FOXP2: variants seen among roughly 807,000 people sequenced by gnomAD.
FOXP2 encodes the protein forkhead box P2, also known as forkhead box protein P2.
Under a neutral mutation model 115.8 loss-of-function variants are expected in FOXP2, and 12 were observed. That is an observed-to-expected ratio of 0.10 (90% CI 0.07 to 0.17). The LOEUF is 0.17. Among genes scored for constraint, FOXP2 ranks in the 10% least tolerant of loss-of-function variants. FOXP2 has a pLI of 1.00. For synonymous variants in FOXP2, 328 were observed against 297.7 expected (o/e 1.10, Z -1.05); for missense variants, 629 against 843.5 (o/e 0.75, Z 3.15).
At chr7:114,490,623 T>C (rs1219773946) in intron 2 of FOXP2, among the ~76,000 whole-genome samples, 2 of 152,166 alleles carry the variant, frequency 1.3e-5, no homozygotes, top group African/African-American at 4.8e-5. Flanking sequence ...TCATTTAACA[T>C]TAGGTAAATC....
intron 2 of FOXP2, among the ~76,000 whole-genome samples, chr7:114,495,729 A>C (rs1584808144): frequency 6.8e-6 from 1 of 148,060 alleles, no homozygotes; most frequent in South Asian, 2.1e-4. Flanking sequence ...CTGATCTTGA[A>C]CTCCTGACCT....
At chr7:114,294,863 AATACATAC>A (rs1334023195) in intron 2 of FOXP2, among the ~76,000 whole-genome samples, 20 of 150,234 alleles carry the variant, frequency 1.3e-4, no homozygotes, top group Non-Finnish European at 2.4e-4. Context: ...TAAATAAATA[AATACATAC>A]ATACATACAT....
rs1808649725 is a variant in FOXP2 at position 114,691,165 on chromosome 7, C to A, written c.*1239C>A. On this transcript the variant is annotated 3_prime_UTR_variant, in exon 17 of 17. Coordinates refer to ENST00000350908, the MANE Select transcript of FOXP2 (RefSeq NM_014491.4). ...AGTACTTTGTGTTTTTGTTTTCCCT[C>A]ATTCAGTCAGTTATTTTCAGTGGTG... The A allele has an allele frequency of 2.2e-6, 1 of 453,866 alleles. No individual in the cohort carries two copies. The highest frequency in any genetic ancestry group is 2.0e-5 in the African/African-American group (1 of 49,984). The allele number at this position is 453,866 out of a possible 1,614,324, so 28.1% of individuals were successfully genotyped here.
intron 3 of FOXP2, 145 bp downstream of exon 3, chr7:114,534,851 A>G: frequency 4.3e-6 from 3 of 702,262 alleles, no homozygotes; most frequent in Non-Finnish European, 7.5e-6. Context: ...AATTCATTTT[A>G]TCTTCTTAAA....
intron 1 of FOXP2, among the ~76,000 whole-genome samples, chr7:114,104,808 A>G (rs906534454): frequency 6.6e-6 from 1 of 152,042 alleles, no homozygotes; most frequent in Admixed American, 6.6e-5. Flanking sequence ...GAAAATAAAT[A>G]CATTTATTCA....
chr7:114,481,966 G>A (rs1045169132), intron 2 of FOXP2, among the ~76,000 whole-genome samples: 7 of 151,046 alleles, frequency 4.6e-5, no homozygotes, highest in African/African-American at 1.5e-4. Flanking sequence ...AAAAAGAGGG[G>A]GGCACTATGG....
chr7:114,631,646 A>C lies in FOXP2; in HGVS notation c.716A>C (p.Gln239Pro). ...QQQHLLSLQRQGLISIPPGQA... is the reference protein window; with the variant it reads ...QQQHLLSLQRPGLISIPPGQA... The stretch of plus-strand genomic sequence containing the variant: ...CAGCATCTGCTCAGCCTTCAGCGTC[A>C]GGGACTCATCTCCATTCCACCTGGC... Residue 239 changes from glutamine (Q) to proline (P), a missense_variant, in exon 6 of 17, where the codon CAG (glutamine) becomes CCG (proline). Coordinates refer to ENST00000350908, the MANE Select transcript of FOXP2 (RefSeq NM_014491.4). The C allele has an allele frequency of 6.2e-7, 1 of 1,614,132 alleles. No individual in the cohort carries two copies. Among genetic ancestry groups the C allele is most frequent in the Non-Finnish European group, 8.5e-7 (1 of 1,180,026 alleles).
rs572803980 is a variant in FOXP2, at chr7:114,606,827, G to T, written c.259-21713G>T. On this transcript the variant is annotated intron_variant, in intron 3 of 16. Coordinates refer to ENST00000350908, the MANE Select transcript of FOXP2 (RefSeq NM_014491.4). ...ATTAGAGGAAGGCTAATATGTGAGT[G>T]CTTACAAAGTTAACTGCTGTGCTAA... Among the ~76,000 whole-genome samples, 4 of 152,274 alleles carry T rather than the reference G, an allele frequency of 2.6e-5. No homozygotes were observed. The South Asian group carries it at 8.3e-4, about 32-fold the overall frequency.
intron 3 of FOXP2, among the ~76,000 whole-genome samples, chr7:114,547,801 G>C (rs757786004): frequency 2.0e-5 from 3 of 151,926 alleles, no homozygotes; most frequent in Admixed American, 2.0e-4. Flanking sequence ...GATGATGTGA[G>C]GGTTTCTCAA....
intron 10 of FOXP2, chr7:114,656,500 G>T (rs1237904528): frequency 2.2e-6 from 1 of 454,204 alleles, no homozygotes; most frequent in East Asian, 7.0e-5. Context: ...AAACTATGCA[G>T]AGGTGCTCTT....
intron 3 of FOXP2, among the ~76,000 whole-genome samples, chr7:114,619,954 A>G (rs1698493131): frequency 6.6e-6 from 1 of 152,042 alleles, no homozygotes; most frequent in Non-Finnish European, 1.5e-5. Context: ...GTCATTGCAT[A>G]TGTCATTTAT....
chr7:114,422,464 G>C (rs539875654), intron 1 of FOXP2, among the ~76,000 whole-genome samples: 2 of 151,712 alleles, frequency 1.3e-5, no homozygotes, highest in East Asian at 3.9e-4. Flanking sequence ...CAAAGTAGAG[G>C]CTATTTTTAT....
chr7:114,112,674 C>T (rs1445886526), intron 1 of FOXP2, among the ~76,000 whole-genome samples: 2 of 152,070 alleles, frequency 1.3e-5, no homozygotes, highest in Non-Finnish European at 2.9e-5. Flanking sequence ...TACAAATGCT[C>T]ATTGTCAGGA....
At chr7:114,376,599 A>G (rs1487888716) in intron 2 of FOXP2, among the ~76,000 whole-genome samples, 1 of 152,180 alleles carries the variant, frequency 6.6e-6, no homozygotes, top group Non-Finnish European at 1.5e-5. Flanking sequence ...CTTTCCTGAG[A>G]GAGGTAGACT....
intron 1 of FOXP2, among the ~76,000 whole-genome samples, chr7:114,116,622 A>C (rs372718513): frequency 1.3e-5 from 2 of 152,204 alleles, no homozygotes; most frequent in Non-Finnish European, 2.9e-5. Flanking sequence ...GTCAAAAATT[A>C]AAAGAATAAC....
In FOXP2 at chr7:114,518,506, A is replaced by G. The variant is rs574126130; in HGVS notation, c.169-16111A>G. Among the ~76,000 whole-genome samples the G allele has an allele frequency of 2.6e-5, 4 of 151,782 alleles. No individual in the cohort carries two copies. In the East Asian group the frequency reaches 5.8e-4, roughly 22 times the overall value. On this transcript the variant is annotated intron_variant, in intron 2 of 16. Transcript: ENST00000350908. ...AACAGCCCTTTGACCCAAAGATTCT[A>G]TAGAATTTTTTTTTTTTTGAGATGG...
chr7:114,212,932 G>T (rs1369599985), intron 1 of FOXP2, among the ~76,000 whole-genome samples: 1 of 152,208 alleles, frequency 6.6e-6, no homozygotes, highest in East Asian at 1.9e-4. Context: ...GTGAAGTCTT[G>T]TTTGCTTTTG....
At chr7:114,132,614 A>AGATG (rs1791920253) in intron 1 of FOXP2, among the ~76,000 whole-genome samples, 1 of 148,228 alleles carries the variant, frequency 6.7e-6, no homozygotes, top group Non-Finnish European at 1.5e-5. Context: ...AGAGAGAGAG[A>AGATG]GATGGGGTGG....
intron 3 of FOXP2, among the ~76,000 whole-genome samples, chr7:114,552,342 G>A (rs1406882772): frequency 6.6e-6 from 1 of 152,106 alleles, no homozygotes; most frequent in Admixed American, 6.6e-5. Flanking sequence ...CTGACTGTAT[G>A]ACCTTCAGGA....
Sources: gnomAD v4.1 joint callset for allele counts (sites outside exome capture counted in the v4.1 genomes callset) on GRCh38, gnomAD v4.1.1 for gene constraint, MANE v1.5 for transcripts, NCBI Gene and HGNC (gene_info 2026-07-23, HGNC 2026-07-21) for gene names.